Variants in KCNAB1 observed in about 807,000 individuals in gnomAD.
KCNAB1 encodes the protein potassium voltage-gated channel subfamily A regulatory beta subunit 1.
In KCNAB1, 35 loss-of-function variants were observed where a neutral mutation model predicts 64.6. That is an observed-to-expected ratio of 0.54 (90% CI 0.41 to 0.72). The LOEUF (loss-of-function observed/expected upper bound fraction) is 0.72. Ranked by LOEUF, KCNAB1 falls within the 30% of genes least tolerant of loss-of-function variation. The pLI, the probability that KCNAB1 is intolerant of heterozygous loss-of-function variation, is 0.00. For synonymous variants in KCNAB1, 177 were observed against 183.8 expected, an observed-to-expected ratio of 0.96 and a Z score of 0.30; for missense variants, 401 against 512.9, an observed-to-expected ratio of 0.78 and a Z score of 2.11.
chr3:156,349,328 T>C (rs1254192429), intron 1 of KCNAB1, among the ~76,000 whole-genome samples: 1 of 152,174 alleles, frequency 6.6e-6, no homozygotes, highest in Non-Finnish European at 1.5e-5. Flanking sequence ...GGCCCAGCCC[T>C]ATGTTGGAAA....
chr3:156,424,726 A>G (rs993342254), intron 2 of KCNAB1, among the ~76,000 whole-genome samples: 94 of 152,302 alleles, frequency 6.2e-4, no homozygotes, highest in African/African-American at 2.2e-3. Flanking sequence ...ATGCAATCCC[A>G]GTCTCCAGAG....
chr3:156,186,497 C>G (rs1713198707), intron 1 of KCNAB1, among the ~76,000 whole-genome samples: 1 of 152,202 alleles, frequency 6.6e-6, no homozygotes. Flanking sequence ...TTCCTGCCTT[C>G]TGTCACTGCC....
chr3:156,387,211 C>T (rs1712685665), intron 1 of KCNAB1, among the ~76,000 whole-genome samples: 1 of 151,678 alleles, frequency 6.6e-6, no homozygotes, highest in African/African-American at 2.4e-5. Flanking sequence ...CTGAAGCAGC[C>T]CCGGGCCAGA....
intron 1 of KCNAB1, among the ~76,000 whole-genome samples, chr3:156,137,177 A>T (rs1714393718): frequency 1.4e-5 from 2 of 144,646 alleles, no homozygotes; most frequent in Non-Finnish European, 3.0e-5. Flanking sequence ...TCTCCTACTC[A>T]TTTTTTTCTA....
chr3:156,291,202 C>G (rs1720387103), intron 1 of KCNAB1: 17 of 985,956 alleles, frequency 1.7e-5, no homozygotes, highest in Non-Finnish European at 1.9e-5. Context: ...GCCTGCTCCT[C>G]CGTGCAGCTG....
intron 2 of KCNAB1, among the ~76,000 whole-genome samples, chr3:156,422,225 C>G (rs1367888249): frequency 1.3e-5 from 2 of 152,182 alleles, no homozygotes; most frequent in Non-Finnish European, 2.9e-5. Flanking sequence ...GCAATTCTAA[C>G]AGCATAAAGA....
In KCNAB1 at chr3:156,536,639, C is replaced by T. The variant is rs201111895; in HGVS notation, c.1171-19C>T. ...AACACTGCTAACAATATCCTTTGTACTTCTCCTCCTGCTCTCAGGTTCTCC... is the reference window on the plus strand; with the variant it reads ...AACACTGCTAACAATATCCTTTGTATTTCTCCTCCTGCTCTCAGGTTCTCC... On this transcript the variant is annotated intron_variant, in intron 13 of 13. Coordinates refer to ENST00000490337, the MANE Select transcript of KCNAB1 (RefSeq NM_172160.3). 3.8e-5 allele frequency: 59 copies of T among 1,540,846 alleles called. No individual in the cohort carries two copies. The East Asian group carries it at 1.3e-3, about 34-fold the overall frequency.
In KCNAB1 at chr3:156,516,121, G is replaced by GA. The variant is rs1717542385; in HGVS notation, c.866-142dup. 6 of 569,950 alleles carry GA rather than the reference G, an allele frequency of 1.1e-5. No homozygotes were observed. In the East Asian group the frequency reaches 1.2e-4, roughly 11 times the overall value. 35.3% of individuals were successfully genotyped at this position (569,950 alleles called of 1,614,324 possible). A position where few individuals can be genotyped will look rare whatever the true frequency, so the allele number is the denominator to read the frequency against. ...ATTTGTAAGCTCCTAAATTGTAATG[G>GA]AAAAAAATGCATGCTGATATTAACT... On this transcript the variant is annotated intron_variant, in intron 10 of 13. Coordinates refer to ENST00000490337, the MANE Select transcript of KCNAB1 (RefSeq NM_172160.3).
intron 1 of KCNAB1, among the ~76,000 whole-genome samples, chr3:156,241,101 G>C (rs1010739086): frequency 6.6e-6 from 1 of 152,234 alleles, no homozygotes; most frequent in African/African-American, 2.4e-5. Context: ...CCATGTGCAG[G>C]CAGCGTGGCC....
chr3:156,491,246 AG>A (rs1715608219), intron 8 of KCNAB1, among the ~76,000 whole-genome samples: 1 of 152,136 alleles, frequency 6.6e-6, no homozygotes. Context: ...GATAATGGGA[AG>A]GAAAACGCCA....
intron 1 of KCNAB1, among the ~76,000 whole-genome samples, chr3:156,320,433 A>G (rs1722580908): frequency 6.6e-6 from 1 of 152,220 alleles, no homozygotes; most frequent in Non-Finnish European, 1.5e-5. Context: ...CTTCGCCCAA[A>G]TATGTTTTAT....
intron 1 of KCNAB1, among the ~76,000 whole-genome samples, chr3:156,191,500 G>A (rs769359034): frequency 1.3e-5 from 2 of 152,150 alleles, no homozygotes; most frequent in Non-Finnish European, 2.9e-5. Flanking sequence ...TATCAGTAAA[G>A]CCTATATGCA....
At chr3:156,283,081 C>A (rs1719850349) in intron 1 of KCNAB1, among the ~76,000 whole-genome samples, 2 of 151,834 alleles carry the variant, frequency 1.3e-5, no homozygotes. Context: ...TACATTTTGG[C>A]ATGATTTTGC....
intron 1 of KCNAB1, among the ~76,000 whole-genome samples, chr3:156,257,828 ATAGGAGTTG>A (rs1718187182): frequency 6.6e-6 from 1 of 152,134 alleles, no homozygotes; most frequent in Admixed American, 6.5e-5. Flanking sequence ...GGGAATTTGA[ATAGGAGTTG>A]TACAGTTATT....
chr3:156,409,907 T>C (rs2108207237), intron 1 of KCNAB1, among the ~76,000 whole-genome samples: 1 of 152,354 alleles, frequency 6.6e-6, no homozygotes, highest in Non-Finnish European at 1.5e-5. Context: ...GGGCTCAAAG[T>C]AGTCATGGGC....
chr3:156,369,451 T>C (rs1422021516), intron 1 of KCNAB1, among the ~76,000 whole-genome samples: 1 of 152,256 alleles, frequency 6.6e-6, no homozygotes, highest in Non-Finnish European at 1.5e-5. Flanking sequence ...CTCTTAGATA[T>C]ATAGAAATAG....
At chr3:156,331,645 TA>T (rs201944609) in intron 1 of KCNAB1, among the ~76,000 whole-genome samples, 7 of 152,134 alleles carry the variant, frequency 4.6e-5, no homozygotes, top group South Asian at 4.1e-4. Flanking sequence ...GCTTTTTTTT[TA>T]AATTATGAAA....
chr3:156,483,660 A>C (rs1714995147), intron 8 of KCNAB1, among the ~76,000 whole-genome samples: 1 of 152,102 alleles, frequency 6.6e-6, no homozygotes. Context: ...AGCAGAACTG[A>C]ATAATCTTAA....
intron 2 of KCNAB1, among the ~76,000 whole-genome samples, chr3:156,422,780 A>G (rs1559876933): frequency 6.6e-6 from 1 of 152,238 alleles, no homozygotes; most frequent in East Asian, 1.9e-4. Context: ...TAGACAGAAT[A>G]GAAAACAGAG....
Sources: gnomAD v4.1 joint callset for allele counts (sites outside exome capture counted in the v4.1 genomes callset) on GRCh38, gnomAD v4.1.1 for gene constraint, MANE v1.5 for transcripts, NCBI Gene and HGNC (gene_info 2026-07-23, HGNC 2026-07-21) for gene names.